DRD3: variants seen among roughly 807,000 people sequenced by gnomAD.
The protein encoded by DRD3 is D(3) dopamine receptor.
A neutral mutation model predicts 36.3 loss-of-function variants in DRD3; 19 were observed. That is an observed-to-expected ratio of 0.52 (90% CI 0.36 to 0.77). The LOEUF is 0.77. Ranked by LOEUF, DRD3 falls within the 30% of genes least tolerant of loss-of-function variation. The pLI, the probability that DRD3 is intolerant of heterozygous loss-of-function variation, is 0.00. For synonymous variants in DRD3, 195 were observed against 203.7 expected, an observed-to-expected ratio of 0.96 and a Z score of 0.36; for missense variants, 465 against 505.3, an observed-to-expected ratio of 0.92 and a Z score of 0.77.
At chr3:114,199,292 T>C (rs1190966852) in exon 1 of DRD3, 1 of 152,310 alleles carries the variant, frequency 6.6e-6, no homozygotes, top group Non-Finnish European at 1.5e-5. Flanking sequence ...GTCCGGGAAG[T>C]CCAAGAGTGT....
intron 1 of DRD3, 42 bp from the exon 2 acceptor site, chr3:114,172,069 T>C: frequency 7.5e-7 from 1 of 1,331,660 alleles, no homozygotes; most frequent in Non-Finnish European, 9.7e-7. Flanking sequence ...ATCAGACTCT[T>C]TGGGGCTTGG....
chr3:114,128,060 A>G lies in DRD3; in HGVS notation c.*656T>C, dbSNP rs1559977438. Among the ~76,000 whole-genome samples the G allele has an allele frequency of 6.6e-6, 1 of 152,246 alleles. No homozygotes were observed. Among genetic ancestry groups the G allele is most frequent in the Non-Finnish European group, 1.5e-5 (1 of 68,040 alleles). On this transcript the variant is annotated 3_prime_UTR_variant, in exon 7 of 7. Coordinates refer to ENST00000383673, the MANE Select transcript of DRD3 (RefSeq NM_000796.6). ...TAGAGAGTAAAGGAATGGAATCAGAAAGCCTTCTTAGCTAAAGCTAAAATA... is the reference window on the plus strand; with the variant it reads ...TAGAGAGTAAAGGAATGGAATCAGAGAGCCTTCTTAGCTAAAGCTAAAATA...
intron 2 of DRD3, among the ~76,000 whole-genome samples, chr3:114,166,890 T>G (rs2077790621): frequency 6.6e-6 from 1 of 152,218 alleles, no homozygotes. Context: ...ATTCTATGAC[T>G]TTTATCAAAA....
intron 1 of DRD3, among the ~76,000 whole-genome samples, chr3:114,191,207 G>A (rs1024360645): frequency 2.0e-5 from 3 of 152,196 alleles, no homozygotes; most frequent in Non-Finnish European, 4.4e-5. Context: ...CAAGTAAAAC[G>A]AGAAAGTCTC....
At chr3:114,190,909 G>A (rs905003377) in intron 1 of DRD3, among the ~76,000 whole-genome samples, 1 of 152,240 alleles carries the variant, frequency 6.6e-6, no homozygotes, top group East Asian at 1.9e-4. Flanking sequence ...GATCATCTGA[G>A]TAGAAAAGGA....
intron 1 of DRD3, among the ~76,000 whole-genome samples, chr3:114,194,292 T>A (rs113739307): frequency 0.036 from 5,552 of 152,194 alleles, 131 homozygotes; most frequent in Admixed American, 0.066. Flanking sequence ...TTGTTTGTTT[T>A]TGTTTTTTGA....
intron 1 of DRD3, among the ~76,000 whole-genome samples, chr3:114,173,173 C>A (rs889756658): frequency 6.6e-6 from 1 of 152,090 alleles, no homozygotes; most frequent in Non-Finnish European, 1.5e-5. Flanking sequence ...ATCTATGAAC[C>A]AGAAAGCAGG....
rs117273881 is a variant in DRD3 at position 114,185,419 on chromosome 3, T to A, written c.-155-6643A>T. Among the ~76,000 whole-genome samples, 153 of 152,320 alleles carry A rather than the reference T, an allele frequency of 1.0e-3. 7 individuals are homozygous for A. The East Asian group carries it at 0.019, about 19-fold the overall frequency. ...CTAGTGAAGTTTAAAATTTTAGTTA[T>A]TATATTTTCAGCTTCAGAATATCTT... On this transcript the variant is annotated intron_variant, in intron 1 of 7. Transcript: ENST00000460779.
chr3:114,156,925 TTCCTTC>T (rs1250226583), intron 3 of DRD3, among the ~76,000 whole-genome samples: 2 of 149,086 alleles, frequency 1.3e-5, no homozygotes, highest in African/African-American at 5.0e-5. Context: ...CCTTCCTTCC[TTCCTTC>T]TCTTTCTTTC....
At chr3:114,156,765 TTCTTTCTTTCTTTCTTTCTTTC>T (rs2077676766) in intron 3 of DRD3, among the ~76,000 whole-genome samples, 1 of 114,070 alleles carries the variant, frequency 8.8e-6, no homozygotes, top group Non-Finnish European at 1.9e-5. Context: ...CTTTCTTTCT[TTCTTTCTTTCTTTCTTTCTTTC>T]TTTCTTTCTT....
intron 4 of DRD3, among the ~76,000 whole-genome samples, chr3:114,146,116 T>C (rs1168269731): frequency 6.6e-6 from 1 of 152,226 alleles, no homozygotes; most frequent in South Asian, 2.1e-4. Flanking sequence ...TTTTGATTTC[T>C]AAATCATTGT....
intron 6 of DRD3, among the ~76,000 whole-genome samples, chr3:114,129,914 C>T (rs754649884): frequency 7.2e-5 from 11 of 151,864 alleles, no homozygotes; most frequent in Admixed American, 2.0e-4. Flanking sequence ...AAAAATTAGC[C>T]GGGTGTGGTA....
Position 114,147,419 on chromosome 3 carries a change from G to A in DRD3, c.522C>T (p.Thr174=), listed in dbSNP as rs2077578445. Residue 174 remains threonine (T), a synonymous_variant, in exon 4 of 7, where the codon ACC becomes ACT. Coordinates refer to ENST00000383673, the MANE Select transcript of DRD3 (RefSeq NM_000796.6). ...AAATGAAGCCATCACTGTTACCTGT[G>A]GTATTAAAGCCAAACAGAAGAGGGC... ...VSCPLLFGFN[T]TGDPTVCSIS... is the part of the protein sequence containing the mutation. 6.2e-7 allele frequency: 1 copy of A among 1,612,710 alleles called. No homozygotes were observed. The highest frequency in any genetic ancestry group is 1.3e-5 in the African/African-American group (1 of 74,742).
At chr3:114,159,984 G>A in intron 2 of DRD3, 117 bp from the exon 3 acceptor site, 1 of 826,456 alleles carries the variant, frequency 1.2e-6, no homozygotes. Context: ...TACTCCCTGT[G>A]TACCGTTGTT....
chr3:114,188,726 A>G (rs866774909), intron 1 of DRD3, among the ~76,000 whole-genome samples: 2 of 152,328 alleles, frequency 1.3e-5, no homozygotes, highest in Middle Eastern at 3.4e-3. Context: ...TCACATGTCC[A>G]TACTTGAATC....
intron 1 of DRD3, among the ~76,000 whole-genome samples, chr3:114,191,640 G>A (rs374524530): frequency 1.4e-4 from 22 of 152,338 alleles, no homozygotes; most frequent in South Asian, 4.1e-4. Flanking sequence ...AAGCCAGGGC[G>A]TGGGGAGGCT....
intron 5 of DRD3, among the ~76,000 whole-genome samples, chr3:114,138,706 T>C (rs1005895943): frequency 6.6e-6 from 1 of 152,194 alleles, no homozygotes; most frequent in Non-Finnish European, 1.5e-5. Context: ...GAGTGCTTAA[T>C]TGTCTTCACC....
intron 5 of DRD3, among the ~76,000 whole-genome samples, chr3:114,135,594 G>A (rs1189466945): frequency 1.3e-5 from 2 of 152,000 alleles, no homozygotes; most frequent in Admixed American, 1.3e-4. Context: ...TAGTTTGATG[G>A]CATTTTCTAA....
intron 6 of DRD3, among the ~76,000 whole-genome samples, chr3:114,130,309 G>A (rs1457982348): frequency 1.3e-5 from 2 of 151,984 alleles, no homozygotes; most frequent in East Asian, 3.9e-4. Flanking sequence ...GGAAAGCTTG[G>A]TAAATACAGA....
Sources: allele counts gnomAD v4.1 joint callset (sites outside exome capture counted in the v4.1 genomes callset), GRCh38; gene constraint gnomAD v4.1.1; transcripts MANE v1.5; gene names NCBI Gene and HGNC (gene_info 2026-07-23, HGNC 2026-07-21).